NAV3: variants seen among roughly 807,000 people sequenced by gnomAD.
NAV3 encodes neuron navigator 3.
NAV3 carries 87 observed loss-of-function variants against 244.7 expected under a neutral mutation model. The ratio of observed to expected loss-of-function variants is 0.36; its 90% CI spans 0.30 to 0.42. The LOEUF (loss-of-function observed/expected upper bound fraction) is 0.42. NAV3 is among the 20% of genes least tolerant of loss of function. NAV3 has a pLI of 1.00. For missense variants in NAV3, 2,663 were observed against 2,893.3 expected, an observed-to-expected ratio of 0.92 and a Z score of 1.83; for synonymous variants, 1,126 against 1,042.2, an observed-to-expected ratio of 1.08 and a Z score of -1.55.
At chr12:77,744,617 A>T (rs1868441796) in intron 2 of NAV3, among the ~76,000 whole-genome samples, 1 of 151,976 alleles carries the variant, frequency 6.6e-6, no homozygotes, top group Non-Finnish European at 1.5e-5. Flanking sequence ...ACTTCTTTCA[A>T]GGAAACAACT....
At chr12:77,715,859 A>G (rs1197486496) in intron 2 of NAV3, among the ~76,000 whole-genome samples, 1 of 152,086 alleles carries the variant, frequency 6.6e-6, no homozygotes, top group African/African-American at 2.4e-5. Context: ...GCAGAATGCC[A>G]TTTATGTACA....
intron 2 of NAV3, among the ~76,000 whole-genome samples, chr12:77,579,774 C>T (rs1869263794): frequency 6.6e-6 from 1 of 152,122 alleles, no homozygotes; most frequent in African/African-American, 2.4e-5. Context: ...TGGGAAGATC[C>T]AGTAAAACAT....
rs965954319 is a variant in NAV3 at position 78,146,350 on chromosome 12, T to C, written c.4684-19T>C. On this transcript the variant is annotated intron_variant, in intron 20 of 39. Transcript: ENST00000397909. ...AAATAGTTTTTATAGTTAAAGTCTT[T>C]CTTTTTATTGTTTTACAGGCTGAAG... 3 of 1,059,078 alleles carry C rather than the reference T, an allele frequency of 2.8e-6. No homozygotes were observed. Among genetic ancestry groups the C allele is most frequent in the Non-Finnish European group, 2.6e-6 (2 of 755,950 alleles). 65.6% of individuals were successfully genotyped at this position (1,059,078 alleles called of 1,614,324 possible).
chr12:78,140,192 A>C, intron 19 of NAV3, 90 bp from the exon 20 acceptor site: 1 of 1,052,908 alleles, frequency 9.5e-7, no homozygotes, highest in South Asian at 1.3e-5. Context: ...TAATTTCCCT[A>C]ACCACCCGTT....
chr12:77,965,470 T>A (rs995396332), intron 3 of NAV3, among the ~76,000 whole-genome samples: 6 of 152,062 alleles, frequency 3.9e-5, no homozygotes, highest in Admixed American at 3.3e-4. Flanking sequence ...ATATAAAAAA[T>A]TAGCGGGGCG....
In NAV3 at chr12:78,210,725, T is replaced by G. The variant is rs560705256; in HGVS notation, c.*208T>G. ...CTTAACTTTAGTTTATTTCTAAGCA[T>G]TTTTTATATCTGTGGAGTAATAGAA... On this transcript the variant is annotated 3_prime_UTR_variant, in exon 40 of 40. Transcript: ENST00000397909. The G allele has an allele frequency of 3.5e-6, 2 of 578,634 alleles. No individual in the cohort carries two copies. Among genetic ancestry groups the G allele is most frequent in the South Asian group, 2.2e-5 (1 of 46,002 alleles). The allele number at this position is 578,634 out of a possible 1,614,324, so 35.8% of individuals were successfully genotyped here.
chr12:78,062,873 A>G (rs1332226153), intron 12 of NAV3, among the ~76,000 whole-genome samples: 1 of 152,144 alleles, frequency 6.6e-6, no homozygotes, highest in Non-Finnish European at 1.5e-5. Context: ...CACTGACAAG[A>G]AAGCTTAAAA....
intron 24 of NAV3, among the ~76,000 whole-genome samples, chr12:78,174,403 A>G (rs986506997): frequency 6.6e-6 from 1 of 151,882 alleles, no homozygotes; most frequent in Admixed American, 6.6e-5. Context: ...TGCTGCGTAC[A>G]TGGCTTTTAA....
intron 2 of NAV3, among the ~76,000 whole-genome samples, chr12:77,691,318 T>C (rs1875002366): frequency 8.0e-6 from 1 of 124,664 alleles, no homozygotes; most frequent in Non-Finnish European, 1.7e-5. Flanking sequence ...TAGTCATATA[T>C]AAGTATTTGT....
At chr12:78,144,683 G>A (rs369036482) in intron 20 of NAV3, among the ~76,000 whole-genome samples, 88 of 151,488 alleles carry the variant, frequency 5.8e-4, no homozygotes, top group African/African-American at 1.9e-3. Flanking sequence ...ACAAAAATGC[G>A]GTGAGTATAT....
At chr12:77,802,525 C>G (rs952459) in intron 2 of NAV3, among the ~76,000 whole-genome samples, 2 of 151,966 alleles carry the variant, frequency 1.3e-5, no homozygotes, top group African/African-American at 4.8e-5. Context: ...TAAATAGTTA[C>G]GAAAAACAGA....
At chr12:77,807,123 C>G (rs1003439102) in intron 2 of NAV3, among the ~76,000 whole-genome samples, 1 of 152,020 alleles carries the variant, frequency 6.6e-6, no homozygotes, top group Non-Finnish European at 1.5e-5. Flanking sequence ...GGTCTTGACT[C>G]TATCCAATTT....
At chr12:78,185,468 C>T in intron 30 of NAV3, 133 bp from the exon 31 acceptor site, 4 of 681,124 alleles carry the variant, frequency 5.9e-6, no homozygotes, top group South Asian at 2.2e-5. Context: ...TGAGGCTTTT[C>T]AAATCAGTTA....
rs144584255 is a variant in NAV3 at position 78,019,083 on chromosome 12, G to A, written c.1908-2664G>A. On this transcript the variant is annotated intron_variant, in intron 8 of 39. Coordinates refer to ENST00000397909, the MANE Select transcript of NAV3 (RefSeq NM_001024383.2). ...ATTTCACAAGAGAGAATGTATTTCC[G>A]GTCCTTTTGTAATAACAGTTGATTT... Among the ~76,000 whole-genome samples, 507 of 152,110 alleles carry A rather than the reference G, an allele frequency of 3.3e-3. 3 individuals are homozygous for A. Among genetic ancestry groups the A allele is most frequent in the African/African-American group, 0.012 (484 of 41,498 alleles).
At chr12:78,036,197 T>C (rs1260677892) in intron 9 of NAV3, 5 of 152,262 alleles carry the variant, frequency 3.3e-5, no homozygotes, top group Non-Finnish European at 7.3e-5. Flanking sequence ...TTTGGCAGGA[T>C]GTTTGCTGCC....
Position 78,067,503 on chromosome 12 carries a change from A to C in NAV3, c.2636+8388A>C, listed in dbSNP as rs577772812. ...TTCTGGACTTCTCTTCAAATCTTAA[A>C]ATTAACTGTGCCCATTGTGAATAAC... On this transcript the variant is annotated intron_variant, in intron 12 of 39. Coordinates refer to ENST00000397909, the MANE Select transcript of NAV3 (RefSeq NM_001024383.2). 1.1e-4 allele frequency among the ~76,000 whole-genome samples: 16 copies of C among 152,154 alleles called. 1 individual carries two copies. Among genetic ancestry groups the C allele is most frequent in the African/African-American group, 2.9e-4 (12 of 41,550 alleles).
intron 16 of NAV3, among the ~76,000 whole-genome samples, chr12:78,123,179 A>G (rs1004282597): frequency 2.0e-5 from 3 of 152,130 alleles, no homozygotes; most frequent in Admixed American, 1.3e-4. Context: ...GACTCTTACC[A>G]CCAGGAAAAT....
chr12:77,676,203 C>G (rs1874197552), intron 2 of NAV3, among the ~76,000 whole-genome samples: 1 of 151,948 alleles, frequency 6.6e-6, no homozygotes, highest in African/African-American at 2.4e-5. Flanking sequence ...AGGTTTTAAG[C>G]TCCGCATGCT....
At chr12:77,894,225 C>A (rs1199598002) in intron 1 of NAV3, among the ~76,000 whole-genome samples, 1 of 152,040 alleles carries the variant, frequency 6.6e-6, no homozygotes, top group Admixed American at 6.6e-5. Context: ...CCACCCCCCA[C>A]CCCAGCATGA....
Sources: gnomAD v4.1 joint callset for allele counts (sites outside exome capture counted in the v4.1 genomes callset) on GRCh38, gnomAD v4.1.1 for gene constraint, MANE v1.5 for transcripts, NCBI Gene and HGNC (gene_info 2026-07-23, HGNC 2026-07-21) for gene names.